The following GRIK2 variants were observed in gnomAD, a reference collection of about 807,000 sequenced individuals.
GRIK2 encodes glutamate ionotropic receptor kainate type subunit 2.
Under a neutral mutation model 100.3 loss-of-function variants are expected in GRIK2, and 32 were observed. The ratio of observed to expected loss-of-function variants is 0.32; its 90% CI spans 0.24 to 0.43. The LOEUF (loss-of-function observed/expected upper bound fraction) is 0.43. Among genes scored for constraint, GRIK2 ranks in the 20% least tolerant of loss-of-function variants. GRIK2 has a pLI of 1.00. For missense variants in GRIK2, 843 were observed against 1,114.9 expected (o/e 0.76, Z 3.47); for synonymous variants, 417 against 389.4 (o/e 1.07, Z -0.83).
At chr6:101,543,210 C>T (rs918050504) in intron 2 of GRIK2, among the ~76,000 whole-genome samples, 22 of 152,158 alleles carry the variant, frequency 1.4e-4, no homozygotes. Flanking sequence ...ATCAATGTGA[C>T]TCCATGAAGA....
intron 2 of GRIK2, among the ~76,000 whole-genome samples, chr6:101,438,644 T>C (rs1769873216): frequency 6.6e-6 from 1 of 152,150 alleles, no homozygotes; most frequent in Non-Finnish European, 1.5e-5. Flanking sequence ...GAGTCCATAT[T>C]TGTGATTAAT....
rs550902106 is a variant in GRIK2, at chr6:101,862,455, G to T, written c.1524+2962G>T. On this transcript the variant is annotated intron_variant, in intron 11 of 16. Transcript: ENST00000369134. ...TATATTTATATATTTTTAAGAGACG[G>T]AATCTTTCTGTGACTTAGACTAGGG... is the stretch of plus-strand genomic sequence containing the variant. 2.4e-4 allele frequency among the ~76,000 whole-genome samples: 37 copies of T among 152,118 alleles called. No individual in the cohort carries two copies. In the South Asian group the frequency reaches 7.3e-3, roughly 30 times the overall value.
chr6:101,941,322 A>G (rs1461645573), intron 14 of GRIK2, among the ~76,000 whole-genome samples: 3 of 152,230 alleles, frequency 2.0e-5, no homozygotes, highest in Non-Finnish European at 2.9e-5. Flanking sequence ...AGAGTAAAGA[A>G]TAAGAGAGTC....
chr6:102,049,110 A>G (rs1422580159), intron 15 of GRIK2, among the ~76,000 whole-genome samples: 4 of 152,176 alleles, frequency 2.6e-5, no homozygotes, highest in Non-Finnish European at 4.4e-5. Flanking sequence ...TCTTGCAAAT[A>G]GACTTCAAAG....
At chr6:101,520,289 T>G (rs1303451398) in intron 2 of GRIK2, among the ~76,000 whole-genome samples, 2 of 151,674 alleles carry the variant, frequency 1.3e-5, no homozygotes, top group African/African-American at 4.8e-5. Context: ...TCTTCCTTAA[T>G]TTTGAATGTC....
chr6:101,828,469 C>A (rs1029579126), intron 10 of GRIK2, among the ~76,000 whole-genome samples: 1 of 151,508 alleles, frequency 6.6e-6, no homozygotes, highest in Non-Finnish European at 1.5e-5. Context: ...TATAAAGGAT[C>A]GATGAAATGA....
chr6:101,750,375 A>C (rs1776712395), intron 7 of GRIK2, among the ~76,000 whole-genome samples: 2 of 152,184 alleles, frequency 1.3e-5, no homozygotes, highest in Non-Finnish European at 2.9e-5. Context: ...TGATGTGTCC[A>C]TGATGCTTCC....
intron 14 of GRIK2, among the ~76,000 whole-genome samples, chr6:101,949,237 C>T (rs1791464792): frequency 6.6e-6 from 1 of 151,618 alleles, no homozygotes; most frequent in Non-Finnish European, 1.5e-5. Flanking sequence ...TTTCTTTTGC[C>T]TCCATAGGAT....
intron 7 of GRIK2, among the ~76,000 whole-genome samples, chr6:101,742,944 C>G (rs1176553017): frequency 1.3e-5 from 2 of 152,154 alleles, no homozygotes; most frequent in Non-Finnish European, 2.9e-5. Context: ...GAAGTCCATT[C>G]ACATGGTTGA....
chr6:101,510,713 G>A (rs1159264859), intron 2 of GRIK2, among the ~76,000 whole-genome samples: 2 of 151,346 alleles, frequency 1.3e-5, no homozygotes, highest in Non-Finnish European at 2.9e-5. Flanking sequence ...TAGTAGAGAC[G>A]GGGATTCACC....
chr6:101,745,243 AC>A (rs1161680920), intron 7 of GRIK2: 1 of 152,182 alleles, frequency 6.6e-6, no homozygotes, highest in Non-Finnish European at 1.5e-5. Context: ...CGAAATATAA[AC>A]CTGATCTAGA....
chr6:101,667,073 G>C (rs1431503899), intron 4 of GRIK2, among the ~76,000 whole-genome samples: 2 of 151,992 alleles, frequency 1.3e-5, no homozygotes, highest in Non-Finnish European at 2.9e-5. Flanking sequence ...TAATGACCTG[G>C]GATTCAGCCT....
intron 4 of GRIK2, among the ~76,000 whole-genome samples, chr6:101,639,650 A>G (rs1471362363): frequency 6.6e-6 from 1 of 152,074 alleles, no homozygotes; most frequent in Non-Finnish European, 1.5e-5. Context: ...GTTTTCTGGG[A>G]CCTAATATTT....
intron 2 of GRIK2, among the ~76,000 whole-genome samples, chr6:101,562,707 T>A (rs1301578830): frequency 6.6e-6 from 1 of 152,128 alleles, no homozygotes; most frequent in East Asian, 1.9e-4. Context: ...TCCCATTATA[T>A]CTATCCTTGA....
chr6:101,894,112 T>G, intron 12 of GRIK2, among the ~76,000 whole-genome samples: 1 of 151,630 alleles, frequency 6.6e-6, no homozygotes, highest in South Asian at 2.1e-4. Flanking sequence ...ATTAATTTTA[T>G]TACAAATTAA....
chr6:101,966,819 T>G (rs1430531898), intron 14 of GRIK2, among the ~76,000 whole-genome samples: 3 of 152,126 alleles, frequency 2.0e-5, no homozygotes, highest in Non-Finnish European at 4.4e-5. Context: ...AGTCTTATAA[T>G]CCAAGGCAAA....
chr6:101,533,501 T>A (rs1427207866), intron 2 of GRIK2, among the ~76,000 whole-genome samples: 1 of 151,936 alleles, frequency 6.6e-6, no homozygotes, highest in Non-Finnish European at 1.5e-5. Flanking sequence ...TTTCACACTT[T>A]GTTGTACCCT....
intron 2 of GRIK2, among the ~76,000 whole-genome samples, chr6:101,427,397 C>G (rs1403847464): frequency 6.6e-6 from 1 of 152,160 alleles, no homozygotes; most frequent in African/African-American, 2.4e-5. Flanking sequence ...CTTCCCTTTT[C>G]ATAGTTAACT....
At position 101,566,852 on chromosome 6, in the gene GRIK2, A is replaced by G. The variant is rs996190507; in HGVS notation, c.116-55097A>G. On this transcript the variant is annotated intron_variant, in intron 2 of 16. Coordinates refer to ENST00000369134, the MANE Select transcript of GRIK2 (RefSeq NM_021956.5). ...TATAATAGGCATATACATATAATAG[A>G]CATTTTATGATAGACATATATACAT... Among the ~76,000 whole-genome samples the G allele has an allele frequency of 4.0e-5, 6 of 150,268 alleles. No individual in the cohort carries two copies. The Admixed American group carries it at 4.0e-4, about 10-fold the overall frequency.
Sources: gnomAD v4.1 joint callset for allele counts (sites outside exome capture counted in the v4.1 genomes callset) on GRCh38, gnomAD v4.1.1 for gene constraint, MANE v1.5 for transcripts, NCBI Gene and HGNC (gene_info 2026-07-23, HGNC 2026-07-21) for gene names.